The following CPNE8 variants were observed in gnomAD, a reference collection of about 807,000 sequenced individuals.
CPNE8 encodes copine 8, also known as copine-8.
In CPNE8, 45 loss-of-function variants were observed where a neutral mutation model predicts 81.5. The ratio of observed to expected loss-of-function variants is 0.55; its 90% CI spans 0.44 to 0.71. The LOEUF (loss-of-function observed/expected upper bound fraction) is 0.71, where lower values mean the gene tolerates loss of function less well. Among genes scored for constraint, CPNE8 ranks in the 30% least tolerant of loss-of-function variants. The pLI, the probability that CPNE8 is intolerant of heterozygous loss-of-function variation, is 0.00. For synonymous variants in CPNE8, 252 were observed against 226.3 expected (o/e 1.11, Z -1.02); for missense variants, 594 against 672.1 (o/e 0.88, Z 1.28).
At chr12:38,818,124 G>C (rs1742557179) in intron 6 of CPNE8, among the ~76,000 whole-genome samples, 2 of 152,116 alleles carry the variant, frequency 1.3e-5, no homozygotes, top group South Asian at 2.1e-4. Flanking sequence ...AAAGCCAGTA[G>C]AATAGTAACT....
chr12:38,718,052 G>T (rs978531141), intron 13 of CPNE8, among the ~76,000 whole-genome samples: 1 of 151,362 alleles, frequency 6.6e-6, no homozygotes, highest in Non-Finnish European at 1.5e-5. Flanking sequence ...AAAAAAAAAA[G>T]CTAAGTTTGA....
chr12:38,717,138 A>G (rs1940414793), intron 13 of CPNE8, among the ~76,000 whole-genome samples: 1 of 151,960 alleles, frequency 6.6e-6, no homozygotes, highest in Non-Finnish European at 1.5e-5. Context: ...TCAAAAAACA[A>G]TAGATGTTAG....
intron 17 of CPNE8, chr12:38,676,344 T>C: frequency 6.1e-6 from 6 of 981,530 alleles, no homozygotes; most frequent in Non-Finnish European, 7.3e-6. Context: ...TAAGATCAAA[T>C]AGAAGGTAAG....
intron 10 of CPNE8, among the ~76,000 whole-genome samples, chr12:38,736,303 A>G (rs1410492118): frequency 6.7e-6 from 1 of 149,176 alleles, no homozygotes; most frequent in Non-Finnish European, 1.5e-5. Context: ...ATGATTATTG[A>G]ATATTTTATT....
intron 6 of CPNE8, among the ~76,000 whole-genome samples, chr12:38,795,833 T>A (rs976556106): frequency 2.0e-5 from 3 of 146,432 alleles, no homozygotes; most frequent in Non-Finnish European, 4.5e-5. Context: ...AACTGTACAC[T>A]TAAAATGGTA....
At chr12:38,808,273 A>T (rs998570682) in intron 6 of CPNE8, among the ~76,000 whole-genome samples, 1 of 152,154 alleles carries the variant, frequency 6.6e-6, no homozygotes, top group African/African-American at 2.4e-5. Flanking sequence ...AAACGAGTAT[A>T]AATCATGCTG....
intron 4 of CPNE8, among the ~76,000 whole-genome samples, chr12:38,841,086 G>C (rs1039927550): frequency 1.3e-5 from 2 of 152,122 alleles, no homozygotes; most frequent in African/African-American, 4.8e-5. Flanking sequence ...AGTTCACTGA[G>C]TATACGGATG....
chr12:38,744,610 T>C (rs1392597477), intron 10 of CPNE8, among the ~76,000 whole-genome samples: 3 of 152,166 alleles, frequency 2.0e-5, no homozygotes, highest in Non-Finnish European at 4.4e-5. Context: ...CCCAGCTTCA[T>C]GTGCTGTGGA....
chr12:38,714,937 C>A (rs1344941996), intron 13 of CPNE8, among the ~76,000 whole-genome samples: 1 of 151,950 alleles, frequency 6.6e-6, no homozygotes, highest in African/African-American at 2.4e-5. Context: ...AAATAAGTTC[C>A]TTTGAAGGAA....
In CPNE8 at chr12:38,722,626, T is replaced by C. The variant is rs76011522; in HGVS notation, c.914+1146A>G. On this transcript the variant is annotated intron_variant, in intron 13 of 19. Transcript: ENST00000331366. ...TGACTGTTATTCATCATGAAGTTAC[T>C]AAACACATTCAAATTTGCTTCACTC... Among the ~76,000 whole-genome samples, 881 of 152,334 alleles carry C rather than the reference T, an allele frequency of 5.8e-3. 11 individuals carry two copies. The highest frequency in any genetic ancestry group is 0.021 in the African/African-American group (856 of 41,586).
chr12:38,748,113 C>T (rs536939827), intron 10 of CPNE8, among the ~76,000 whole-genome samples: 1 of 151,956 alleles, frequency 6.6e-6, no homozygotes, highest in Non-Finnish European at 1.5e-5. Context: ...CAGGCTTAAG[C>T]GATTCTCCTG....
At chr12:38,668,029 C>T (rs1344277919) in intron 19 of CPNE8, among the ~76,000 whole-genome samples, 6 of 152,190 alleles carry the variant, frequency 3.9e-5, no homozygotes, top group Non-Finnish European at 8.8e-5. Context: ...GAACTCTTGA[C>T]CTCAGGTGAT....
At chr12:38,906,735 G>T (rs1032052036), upstream of CPNE8, 4 of 431,716 alleles carry the variant, frequency 9.3e-6, no homozygotes, top group African/African-American at 4.3e-5. Flanking sequence ...TTTGTTCCCC[G>T]CGCCTTCCCT....
At chr12:38,823,827 GA>G (rs1296686178) in intron 6 of CPNE8, among the ~76,000 whole-genome samples, 1 of 152,150 alleles carries the variant, frequency 6.6e-6, no homozygotes, top group African/African-American at 2.4e-5. Flanking sequence ...CCTAAAGATA[GA>G]AGACATACGA....
chr12:38,768,061 AG>A (rs1565605305), intron 7 of CPNE8, among the ~76,000 whole-genome samples: 1 of 151,980 alleles, frequency 6.6e-6, no homozygotes, highest in Non-Finnish European at 1.5e-5. Context: ...TCAGTTATAC[AG>A]GTACACATTT....
chr12:38,717,853 T>C (rs995003679), intron 13 of CPNE8, among the ~76,000 whole-genome samples: 2 of 152,048 alleles, frequency 1.3e-5, no homozygotes, highest in Admixed American at 6.5e-5. Flanking sequence ...GTTCCCTGAA[T>C]TGATGATGCC....
At chr12:38,788,729 C>CA (rs920290869) in intron 6 of CPNE8, among the ~76,000 whole-genome samples, 4 of 151,198 alleles carry the variant, frequency 2.6e-5, no homozygotes, top group Admixed American at 2.0e-4. Context: ...AGATGCCACA[C>CA]AAAAAAACTA....
Position 38,688,603 on chromosome 12 carries a change from G to GTA in CPNE8, c.1144-2987_1144-2986insTA, listed in dbSNP as rs530941183. Among the ~76,000 whole-genome samples, 69 of 151,504 alleles carry GTA rather than the reference G, an allele frequency of 4.6e-4. 1 individual carries two copies. In the South Asian group the frequency reaches 0.013, roughly 28 times the overall value. On this transcript the variant is annotated intron_variant, in intron 15 of 19. Transcript: ENST00000331366. ...TAAGTGGATAAAGAAAATGTGGTGT[G>GTA]TGTGTGTGTGTGTGTGTGTATACTA...
chr12:38,653,938 A>T lies in CPNE8; in HGVS notation c.1639T>A (p.Ser547Thr), dbSNP rs140512949. 2 of 1,613,680 alleles carry T rather than the reference A, an allele frequency of 1.2e-6. No homozygotes were observed. The highest frequency in any genetic ancestry group is 1.7e-6 in the Non-Finnish European group (2 of 1,179,920). The change falls in exon 20 of 20, where the codon TCA becomes ACA. Residue 547 changes from serine (S) to threonine (T), a missense_variant. Transcript: ENST00000331366. Reference sequence around the variant, plus strand: ...GGGGTGTATGGGGGAGGCGCAGGTGATGGCTTGATTCCTCGGGCTCTCATA... The same window carrying T: ...GGGGTGTATGGGGGAGGCGCAGGTGTTGGCTTGATTCCTCGGGCTCTCATA... ...SYMRARGIKP[S>T]PAPPPYTPPT... is the part of the protein sequence containing the mutation.
Sources: allele counts gnomAD v4.1 joint callset (sites outside exome capture counted in the v4.1 genomes callset), GRCh38; gene constraint gnomAD v4.1.1; transcripts MANE v1.5; gene names NCBI Gene and HGNC (gene_info 2026-07-23, HGNC 2026-07-21).